COL15A1: variants seen among roughly 807,000 people sequenced by gnomAD.
The protein encoded by COL15A1 is collagen type XV alpha 1 chain.
Under a neutral mutation model 165.9 loss-of-function variants are expected in COL15A1, and 111 were observed. The observed-to-expected ratio is 0.67, with a 90% CI of 0.57 to 0.78. The LOEUF (loss-of-function observed/expected upper bound fraction) is 0.78. Ranked by LOEUF, COL15A1 falls within the 30% of genes least tolerant of loss-of-function variation. COL15A1 has a pLI of 0.00. For missense variants in COL15A1, 1,745 were observed against 1,789.7 expected, an observed-to-expected ratio of 0.98 and a Z score of 0.45; for synonymous variants, 659 against 674.8, an observed-to-expected ratio of 0.98 and a Z score of 0.36.
Position 99,063,114 on chromosome 9 carries a change from G to T in COL15A1, c.3651+5G>T. 6.3e-7 allele frequency: 1 copy of T among 1,582,888 alleles called. No individual in the cohort carries two copies. ...GCCAATTATGAGAAGCCTGCTGTAA[G>T]TACAATTTATACATTTAATCTTCAA... On this transcript the variant is annotated splice_donor_5th_base_variant and intron_variant, in intron 39 of 41. Transcript: ENST00000375001.
chr9:99,000,728 C>T (rs1474902218), intron 6 of COL15A1, 111 bp from the exon 7 acceptor site: 9 of 690,170 alleles, frequency 1.3e-5, no homozygotes, highest in Non-Finnish European at 2.6e-6. Flanking sequence ...CCTCTTGACC[C>T]TGTGTCATGG....
rs759727734 is a variant in COL15A1 at position 99,062,354 on chromosome 9, CCTG to C, written c.3591+51_3591+53del. 4.5e-6 allele frequency: 6 copies of C among 1,328,786 alleles called. No homozygotes were observed. The South Asian group carries it at 5.9e-5, about 13-fold the overall frequency. 82.3% of individuals were successfully genotyped at this position (1,328,786 alleles called of 1,614,324 possible). On this transcript the variant is annotated intron_variant, in intron 38 of 41. Coordinates refer to ENST00000375001, the MANE Select transcript of COL15A1 (RefSeq NM_001855.5). The stretch of plus-strand genomic sequence containing the variant: ...CTCATGCATTCATTTATCAGCATTT[CCTG>C]AGTCCTCCTTGGTATCTAGCACCAA...
At chr9:99,069,206 A>G (rs1053419853) in intron 41 of COL15A1, among the ~76,000 whole-genome samples, 5 of 152,140 alleles carry the variant, frequency 3.3e-5, no homozygotes, top group African/African-American at 7.2e-5. Flanking sequence ...CTCACAGTCT[A>G]CAGAGGAAAT....
chr9:99,046,669 A>G lies in COL15A1; in HGVS notation c.2680-1117A>G, dbSNP rs551828282. 7.2e-5 allele frequency among the ~76,000 whole-genome samples: 11 copies of G among 152,286 alleles called. No individual in the cohort carries two copies. The South Asian group carries it at 2.3e-3, about 32-fold the overall frequency. On this transcript the variant is annotated intron_variant, in intron 26 of 41. Coordinates refer to ENST00000375001, the MANE Select transcript of COL15A1 (RefSeq NM_001855.5). The stretch of plus-strand genomic sequence containing the variant: ...CATCAGAGCTAGGGAGAACTCATTC[A>G]CTGTTATGAGAACAGCATGGGGAAA...
intron 2 of COL15A1, 40 bp from the exon 3 acceptor site, chr9:98,985,525 A>C: frequency 6.4e-7 from 1 of 1,567,022 alleles, no homozygotes. Flanking sequence ...GCAAAGTGGA[A>C]TATACCTGTA....
chr9:98,946,965 A>G (rs1837596572), intron 2 of COL15A1, among the ~76,000 whole-genome samples: 1 of 152,248 alleles, frequency 6.6e-6, no homozygotes, highest in Admixed American at 6.5e-5. Context: ...ATGAGCGGAA[A>G]TACATGTTCC....
intron 2 of COL15A1, among the ~76,000 whole-genome samples, chr9:98,975,053 T>C (rs949005149): frequency 6.6e-6 from 1 of 152,120 alleles, no homozygotes. Flanking sequence ...AAAGCCTTCC[T>C]TGCAGTTGGT....
rs138893823 is a variant in COL15A1, at chr9:99,037,826, C to T, written c.2410-842C>T. ...GGCACGGAGGACAGAACTTCCAAAG[C>T]TCTAGTGTCAGGGATGCCCTGAGCC... On this transcript the variant is annotated intron_variant, in intron 21 of 41. Transcript: ENST00000375001. 6.8e-3 allele frequency among the ~76,000 whole-genome samples: 1,036 copies of T among 152,290 alleles called. 5 individuals carry two copies. The highest frequency in any genetic ancestry group is 0.01 in the Non-Finnish European group (711 of 68,006).
chr9:98,966,708 G>T (rs1399363487), intron 2 of COL15A1, among the ~76,000 whole-genome samples: 2 of 152,194 alleles, frequency 1.3e-5, no homozygotes, highest in Non-Finnish European at 2.9e-5. Flanking sequence ...TTTGCAGAAG[G>T]CTGCTCATTC....
At chr9:99,068,488 A>C (rs1433412419) in intron 40 of COL15A1, 67 bp from the exon 41 acceptor site, 5 of 514,198 alleles carry the variant, frequency 9.7e-6, no homozygotes, top group Admixed American at 3.7e-5. Flanking sequence ...AAAAAAAAAG[A>C]GTAAAAATCT....
intron 8 of COL15A1, among the ~76,000 whole-genome samples, chr9:99,003,930 G>A (rs1838710188): frequency 6.6e-6 from 1 of 152,154 alleles, no homozygotes; most frequent in Non-Finnish European, 1.5e-5. Context: ...AGACTCGGGG[G>A]CACAGAAGTT....
chr9:98,982,078 G>T (rs62561177), intron 2 of COL15A1, among the ~76,000 whole-genome samples: 9,230 of 151,938 alleles, frequency 0.061, 409 homozygotes, highest in Non-Finnish European at 0.09. Context: ...TGGAATTACA[G>T]GCATGAGCCA....
intron 31 of COL15A1, 137 bp from the exon 32 acceptor site, chr9:99,054,439 T>G: frequency 2.3e-6 from 2 of 867,890 alleles, no homozygotes. Flanking sequence ...GATTTTACAC[T>G]TGCTGATCTC....
At chr9:99,054,077 A>G (rs1461459968) in intron 31 of COL15A1, among the ~76,000 whole-genome samples, 3 of 152,226 alleles carry the variant, frequency 2.0e-5, no homozygotes, top group Non-Finnish European at 2.9e-5. Context: ...ACAACACTTC[A>G]TGGTGGGCAT....
chr9:99,021,519 C>G (rs1159701734), intron 12 of COL15A1, among the ~76,000 whole-genome samples: 8 of 152,226 alleles, frequency 5.3e-5, no homozygotes, highest in Admixed American at 4.6e-4. Flanking sequence ...GGATGCCACT[C>G]TGTCATTTTC....
At chr9:98,983,560 A>G (rs1182759465) in intron 2 of COL15A1, among the ~76,000 whole-genome samples, 1 of 152,212 alleles carries the variant, frequency 6.6e-6, no homozygotes, top group Non-Finnish European at 1.5e-5. Context: ...AAAACTATGC[A>G]TGAAAACCAC....
At chr9:99,066,394 T>G (rs968060813) in intron 39 of COL15A1, among the ~76,000 whole-genome samples, 2 of 152,098 alleles carry the variant, frequency 1.3e-5, no homozygotes, top group Non-Finnish European at 2.9e-5. Flanking sequence ...TTCTCCCAGA[T>G]CCCTCATGTG....
chr9:99,034,957 T>C (rs1839272004), intron 17 of COL15A1, 57 bp from the exon 18 acceptor site: 1 of 1,454,368 alleles, frequency 6.9e-7, no homozygotes, highest in Non-Finnish European at 9.7e-7. Context: ...GCATGCATGT[T>C]GTTCCTTCCA....
chr9:99,047,909 G>C, intron 27 of COL15A1, 32 bp from the exon 28 acceptor site: 1 of 1,609,780 alleles, frequency 6.2e-7, no homozygotes, highest in Non-Finnish European at 8.5e-7. Flanking sequence ...TGTGGGCGGA[G>C]GGTTTACTGA....
Sources: allele counts gnomAD v4.1 joint callset (sites outside exome capture counted in the v4.1 genomes callset), GRCh38; gene constraint gnomAD v4.1.1; transcripts MANE v1.5; gene names NCBI Gene and HGNC (gene_info 2026-07-23, HGNC 2026-07-21).